The following CCT5 variants were observed in gnomAD, a reference collection of about 807,000 sequenced individuals.
The protein encoded by CCT5 is T-complex protein 1 subunit epsilon.
A neutral mutation model predicts 55.0 loss-of-function variants in CCT5; 6 were observed. That is an observed-to-expected ratio of 0.11 (90% CI 0.06 to 0.22). The LOEUF is 0.22. CCT5 is among the 10% of genes least tolerant of loss of function. The pLI is 1.00. For missense variants in CCT5, 560 were observed against 694.6 expected, an observed-to-expected ratio of 0.81 and a Z score of 2.18; for synonymous variants, 231 against 243.7, an observed-to-expected ratio of 0.95 and a Z score of 0.49.
At chr5:10,255,055 T>G in intron 3 of CCT5, 1 of 568,300 alleles carries the variant, frequency 1.8e-6, no homozygotes, top group South Asian at 2.0e-5. Context: ...TGGAGAAATG[T>G]GTAATGATTG....
intron 6 of CCT5, among the ~76,000 whole-genome samples, chr5:10,259,591 G>A (rs1745853996): frequency 6.6e-6 from 1 of 152,224 alleles, no homozygotes; most frequent in South Asian, 2.1e-4. Flanking sequence ...GGCCAACATA[G>A]GGTGAGAGCA....
At chr5:10,260,959 A>G in intron 7 of CCT5, 48 bp downstream of exon 7, 1 of 1,603,832 alleles carries the variant, frequency 6.2e-7, no homozygotes, top group South Asian at 1.1e-5. Context: ...GGTTCATCTT[A>G]TGTGTTGAGG....
rs563305570 is a variant in CCT5, at chr5:10,256,080, G to T, written c.457G>T (p.Asp153Tyr). The change falls in exon 4 of 11, where the codon GAT (aspartate) becomes TAT (tyrosine). Residue 153 changes from aspartate to tyrosine, a missense_variant. Around this residue, in one of 4 missense-constraint regions of CCT5, gnomAD observed 52 missense variants for 35.3 expected, o/e 1.47. Transcript: ENST00000280326. ...TATTGAACACCTGGACAAGATCAGCGATAGCGTCCTTGTTGACATAAAGGA... is the reference window on the plus strand; with the variant it reads ...TATTGAACACCTGGACAAGATCAGCTATAGCGTCCTTGTTGACATAAAGGA... ...VAIEHLDKIS[D>Y]SVLVDIKDTE... 6.2e-7 allele frequency: 1 copy of T among 1,614,062 alleles called. No individual in the cohort carries two copies. The highest frequency in any genetic ancestry group is 1.7e-5 in the Admixed American group (1 of 60,020).
At chr5:10,254,352 C>T in intron 2 of CCT5, 147 bp downstream of exon 2, 3 of 648,720 alleles carry the variant, frequency 4.6e-6, no homozygotes, top group Non-Finnish European at 5.5e-6. Context: ...TTTCAGGTTT[C>T]TTAAACATGG....
At position 10,264,889 on chromosome 5, in the gene CCT5, G is replaced by A. The variant is rs989082753; in HGVS notation, c.*106G>A. On this transcript the variant is annotated 3_prime_UTR_variant, in exon 11 of 11. Transcript: ENST00000280326. ...ATTGTTACATCCTTTTCCAGACACT[G>A]TAGATGCTATAATAAAAATAGCTGT... 8 of 1,422,256 alleles carry A rather than the reference G, an allele frequency of 5.6e-6. No homozygotes were observed. The African/African-American group carries it at 7.0e-5, about 13-fold the overall frequency. The allele number at this position is 1,422,256 out of a possible 1,614,324, so 88.1% of individuals were successfully genotyped here. A position where few individuals can be genotyped will look rare whatever the true frequency, so the allele number is the denominator to read the frequency against.
chr5:10,254,432 G>A, intron 2 of CCT5: 3 of 589,138 alleles, frequency 5.1e-6, no homozygotes, highest in Non-Finnish European at 8.9e-6. Flanking sequence ...CATTTCATTA[G>A]CATTTTCCAA....
intron 3 of CCT5, chr5:10,255,110 T>A (rs1318905335): frequency 6.6e-6 from 3 of 452,314 alleles, no homozygotes; most frequent in Non-Finnish European, 1.2e-5. Context: ...AAAGGATGTT[T>A]GGGAAACGTG....
Position 10,258,246 on chromosome 5 carries a change from T to G in CCT5, c.666T>G (p.Thr222=). Residue 222 remains threonine (T), a synonymous_variant, in exon 5 of 11, where the codon ACT becomes ACG. Coordinates refer to ENST00000280326, the MANE Select transcript of CCT5 (RefSeq NM_012073.5). The stretch of plus-strand genomic sequence containing the variant: ...AAGTGGGCGGCAGGCTGGAGGACAC[T>G]AAACTGATTAAGGGCGTGATTGTGG... The part of the protein sequence containing the change: ...EGKVGGRLED[T]KLIKGVIVDK... The G allele has an allele frequency of 1.2e-6, 2 of 1,614,224 alleles. No homozygotes were observed. The highest frequency in any genetic ancestry group is 2.2e-5 in the South Asian group (2 of 91,090).
intron 1 of CCT5, chr5:10,250,651 C>T (rs753260386): frequency 3.5e-5 from 50 of 1,417,350 alleles, no homozygotes; most frequent in Non-Finnish European, 4.5e-5. Context: ...AATGTGGGGG[C>T]CAGCCAGGCT....
upstream of CCT5, chr5:10,250,258 G>C (rs764156102): frequency 2.5e-6 from 4 of 1,600,098 alleles, no homozygotes; most frequent in Non-Finnish European, 3.4e-6. Context: ...CAAGCTTTTG[G>C]GCCCTCCCGA....
chr5:10,262,021 T>G, intron 8 of CCT5: 1 of 431,914 alleles, frequency 2.3e-6, no homozygotes, highest in Non-Finnish European at 4.3e-6. Context: ...AATATTCAAG[T>G]CCTGGATTTT....
At position 10,254,406 on chromosome 5, in the gene CCT5, T is replaced by TTTG; in HGVS notation, c.166+203_166+204insGTT. The TTTG allele has an allele frequency of 3.1e-5, 19 of 608,382 alleles. No individual in the cohort carries two copies. The East Asian group carries it at 5.0e-4, about 16-fold the overall frequency. 37.7% of individuals were successfully genotyped at this position (608,382 alleles called of 1,614,324 possible). On this transcript the variant is annotated intron_variant, in intron 2 of 10. Transcript: ENST00000280326. ...TTAGGTCGGACCTTTTTTTTTTTTT[T>TTTG]TTTAGCATGTAACATCATTTCATTA...
chr5:10,260,394 ATTGT>A (rs1019399852), intron 6 of CCT5, among the ~76,000 whole-genome samples: 4 of 152,378 alleles, frequency 2.6e-5, no homozygotes, highest in African/African-American at 7.2e-5. Flanking sequence ...GGTTCATAAC[ATTGT>A]TTGTTTAAAA....
At position 10,254,146 on chromosome 5, in the gene CCT5, C is replaced by T. The variant is rs1333902630; in HGVS notation, c.107C>T (p.Ser36Phe). Residue 36 changes from serine to phenylalanine, a missense_variant and splice_region_variant, in exon 2 of 11, where the codon TCT (serine) becomes TTT (phenylalanine). Physicochemically the swap from Ser to Phe is radical, Grantham distance 155 (BLOSUM62 -2). Around this residue, in one of 4 missense-constraint regions of CCT5, gnomAD observed 137 missense variants for 181.9 expected, o/e 0.75. Transcript: ENST00000280326. ...SRLMGLEALK[S>F]HIMAAKAVAN... ...TGCTTTTTCTGTTTGTTTCATTAGT[C>T]TCATATAATGGCAGCAAAGGCTGTA... is the stretch of plus-strand genomic sequence containing the variant. The T allele has an allele frequency of 3.7e-6, 6 of 1,602,432 alleles. No homozygotes were observed. The African/African-American group carries it at 5.4e-5, about 14-fold the overall frequency.
rs1262182423 is a variant in CCT5, at chr5:10,265,816, T to C, written c.*1033T>C. ...TAATGATTCTCTAGATTTTCTAAAATAATGTTTCTTAGCATTGTGATGATA... is the reference window on the plus strand; with the variant it reads ...TAATGATTCTCTAGATTTTCTAAAACAATGTTTCTTAGCATTGTGATGATA... On this transcript the variant is annotated 3_prime_UTR_variant, in exon 11 of 11. Transcript: ENST00000280326. 2.0e-5 allele frequency: 3 copies of C among 152,180 alleles called. No individual in the cohort carries two copies. The East Asian group carries it at 5.8e-4, about 29-fold the overall frequency. The allele number at this position is 152,180 out of a possible 1,614,324, so 9.4% of individuals were successfully genotyped here. A position where few individuals can be genotyped will look rare whatever the true frequency, so the allele number is the denominator to read the frequency against.
Position 10,261,301 on chromosome 5 carries a change from G to A in CCT5, c.994-259G>A. The A allele has an allele frequency of 7.6e-6, 4 of 525,248 alleles. No homozygotes were observed. The South Asian group carries it at 8.0e-5, about 11-fold the overall frequency. The allele number at this position is 525,248 out of a possible 1,614,324, so 32.5% of individuals were successfully genotyped here. ...GTGAGGGAGGGCTGCACAGATGGGA[G>A]ATGAGGGTATGAGCTTAGGGGACGG... On this transcript the variant is annotated intron_variant, in intron 7 of 10. Transcript: ENST00000280326.
At position 10,259,946 on chromosome 5, in the gene CCT5, G is replaced by T. The variant is rs142803149; in HGVS notation, c.874-846G>T. ...CCAAAGAGGAACACTGCAGGTGACT[G>T]AGGAGCAAGAAGGACCCTCTCCTGT... On this transcript the variant is annotated intron_variant, in intron 6 of 10. Transcript: ENST00000280326. Among the ~76,000 whole-genome samples the T allele has an allele frequency of 3.3e-3, 508 of 152,324 alleles. 2 individuals carry two copies. Among genetic ancestry groups the T allele is most frequent in the African/African-American group, 0.011 (471 of 41,564 alleles).
At chr5:10,261,249 A>C in intron 7 of CCT5, 1 of 494,360 alleles carries the variant, frequency 2.0e-6, no homozygotes, top group Non-Finnish European at 3.7e-6. Flanking sequence ...AGCGCAGTGC[A>C]AGGAACATGC....
At chr5:10,259,886 AG>A (rs1366269675) in intron 6 of CCT5, among the ~76,000 whole-genome samples, 8 of 152,156 alleles carry the variant, frequency 5.3e-5, no homozygotes, top group Non-Finnish European at 1.0e-4. Flanking sequence ...CGATGGGGCT[AG>A]ATAGTAAAAT....
Sources: allele counts gnomAD v4.1 joint callset (sites outside exome capture counted in the v4.1 genomes callset), GRCh38; gene constraint gnomAD v4.1.1; regional missense constraint gnomAD v4.1.1; transcripts MANE v1.5; gene names NCBI Gene and HGNC (gene_info 2026-07-23, HGNC 2026-07-21).